The following GLG1 variants were observed in gnomAD, a reference collection of about 807,000 sequenced individuals.
GLG1 encodes the protein Golgi apparatus protein 1.
A neutral mutation model predicts 160.5 loss-of-function variants in GLG1; 38 were observed. The observed-to-expected ratio is 0.24, with a 90% CI of 0.18 to 0.31. GLG1 has a LOEUF of 0.31. Among genes scored for constraint, GLG1 ranks in the 10% least tolerant of loss-of-function variants. The probability of loss-of-function intolerance (pLI) is 1.00; values close to 1 mark genes in which losing one functional copy is unlikely to be tolerated. For synonymous variants in GLG1, 644 were observed against 543.4 expected, an observed-to-expected ratio of 1.19 and a Z score of -2.57; for missense variants, 1,373 against 1,505.2, an observed-to-expected ratio of 0.91 and a Z score of 1.45.
intron 4 of GLG1, among the ~76,000 whole-genome samples, chr16:74,498,447 A>AAGTATATATATATATATATATAT (rs1491293119): frequency 1.2e-4 from 1 of 8,208 alleles, no homozygotes; most frequent in African/African-American, 2.1e-4. Context: ...AAAAAAAAAA[A>AAGTATATATATATATATATATAT]GTATATATAT....
chr16:74,587,692 C>T (rs945230296), intron 1 of GLG1, among the ~76,000 whole-genome samples: 2 of 152,086 alleles, frequency 1.3e-5, no homozygotes, highest in African/African-American at 4.8e-5. Context: ...ACAGTGAAAC[C>T]CCGTCTCCAC....
chr16:74,584,758 A>G (rs1958009820), intron 1 of GLG1, among the ~76,000 whole-genome samples: 1 of 152,020 alleles, frequency 6.6e-6, no homozygotes, highest in South Asian at 2.1e-4. Context: ...TCTACTAAAA[A>G]TACAAAAATT....
chr16:74,593,352 G>C (rs1248524749), intron 1 of GLG1, among the ~76,000 whole-genome samples: 1 of 150,334 alleles, frequency 6.7e-6, no homozygotes, highest in African/African-American at 2.4e-5. Context: ...GCCAGTGCAA[G>C]AATTTTGAGA....
chr16:74,529,808 A>AGTT (rs2017468568), intron 2 of GLG1, among the ~76,000 whole-genome samples: 1 of 84,278 alleles, frequency 1.2e-5, no homozygotes, highest in African/African-American at 4.7e-5. Flanking sequence ...GCTCTTTGAG[A>AGTT]GTTCTTTTTT....
chr16:74,574,337 C>G (rs573632248), intron 1 of GLG1, among the ~76,000 whole-genome samples: 6 of 152,222 alleles, frequency 3.9e-5, no homozygotes, highest in African/African-American at 1.4e-4. Flanking sequence ...GTATATTCAG[C>G]AAAATATTAT....
chr16:74,449,680 C>G lies in GLG1; in HGVS notation c.*3487G>C, dbSNP rs1415207071. On this transcript the variant is annotated 3_prime_UTR_variant, in exon 26 of 26. Transcript: ENST00000422840. Reference sequence around the variant, plus strand: ...CCAAAGGCCTGCAGTGTGTTCAAGTCAATACCTGCTCACTCAACATTAGCT... The same window carrying G: ...CCAAAGGCCTGCAGTGTGTTCAAGTGAATACCTGCTCACTCAACATTAGCT... 6.6e-6 allele frequency: 1 copy of G among 152,236 alleles called. No homozygotes were observed. Among genetic ancestry groups the G allele is most frequent in the Non-Finnish European group, 1.5e-5 (1 of 68,062 alleles). 9.4% of individuals were successfully genotyped at this position (152,236 alleles called of 1,614,324 possible). A position where few individuals can be genotyped will look rare whatever the true frequency, so the allele number is the denominator to read the frequency against.
In GLG1 at chr16:74,452,843, G is replaced by C. The variant is rs534166870; in HGVS notation, c.*324C>G. On this transcript the variant is annotated 3_prime_UTR_variant, in exon 26 of 26. Coordinates refer to ENST00000422840, the MANE Select transcript of GLG1 (RefSeq NM_001145667.2). ...TGGTGGTTTTCTTAAAAAAGCCTTT[G>C]AGTTGCAGGTCAGGTGAGTTGGTTC... 2.6e-5 allele frequency: 27 copies of C among 1,058,592 alleles called. No individual in the cohort carries two copies. The South Asian group carries it at 2.7e-4, about 11-fold the overall frequency. The allele number at this position is 1,058,592 out of a possible 1,614,324, so 65.6% of individuals were successfully genotyped here. A position where few individuals can be genotyped will look rare whatever the true frequency, so the allele number is the denominator to read the frequency against.
intron 20 of GLG1, chr16:74,463,114 C>T (rs570632552): frequency 1.9e-6 from 1 of 529,410 alleles, no homozygotes; most frequent in Non-Finnish European, 3.3e-6. Context: ...GGACTGCCGG[C>T]CTGATTCCTT....
At chr16:74,587,686 T>C (rs1298882165) in intron 1 of GLG1, among the ~76,000 whole-genome samples, 4 of 152,032 alleles carry the variant, frequency 2.6e-5, no homozygotes, top group Non-Finnish European at 5.9e-5. Flanking sequence ...GCCAACACAG[T>C]GAAACCCCGT....
At chr16:74,579,070 A>C (rs978296159) in intron 1 of GLG1, among the ~76,000 whole-genome samples, 1 of 152,192 alleles carries the variant, frequency 6.6e-6, no homozygotes, top group Non-Finnish European at 1.5e-5. Context: ...ACAAGCTGAG[A>C]AGTTAAATTC....
Position 74,490,970 on chromosome 16 carries a change from A to G in GLG1, c.1449+31T>C, listed in dbSNP as rs753865114. The G allele has an allele frequency of 4.7e-6, 7 of 1,499,970 alleles. No homozygotes were observed. The East Asian group carries it at 1.1e-4, about 24-fold the overall frequency. 92.9% of individuals were successfully genotyped at this position (1,499,970 alleles called of 1,614,324 possible). ...AGGCTCTTCAGCTGATAAATGTGACATTCAAAATGGCAATAGCAATGTCTC... is the reference window on the plus strand; with the variant it reads ...AGGCTCTTCAGCTGATAAATGTGACGTTCAAAATGGCAATAGCAATGTCTC... On this transcript the variant is annotated intron_variant, in intron 8 of 25. Coordinates refer to ENST00000422840, the MANE Select transcript of GLG1 (RefSeq NM_001145667.2).
chr16:74,457,920 C>A lies in GLG1; in HGVS notation c.3219G>T (p.Leu1073=). 1 of 1,613,970 alleles carries A rather than the reference C, an allele frequency of 6.2e-7. No homozygotes were observed. The highest frequency in any genetic ancestry group is 8.5e-7 in the Non-Finnish European group (1 of 1,179,914). Residue 1073 remains leucine (L), a synonymous_variant, in exon 24 of 26, where the codon CTG becomes CTT. Transcript: ENST00000422840. ...TGGCTGCGCAGTGGTGTTTAATGTC[C>A]AGGGCACAAGCAGTATGAAGTACCG... ...VDPVLHTACA[L]DIKHHCAAIT...
At chr16:74,568,514 T>C (rs1427910327) in intron 1 of GLG1, among the ~76,000 whole-genome samples, 1 of 148,938 alleles carries the variant, frequency 6.7e-6, no homozygotes, top group East Asian at 2.0e-4. Context: ...GCCTCCCGGG[T>C]TCAAGCGATT....
chr16:74,551,781 C>G (rs1430392255), intron 1 of GLG1, among the ~76,000 whole-genome samples: 6 of 152,000 alleles, frequency 3.9e-5, no homozygotes, highest in Admixed American at 2.0e-4. Flanking sequence ...AGGAGAATTA[C>G]TGGGGAGAAG....
Position 74,595,668 on chromosome 16 carries a change from AAAGAT to A in GLG1, c.438+10984_438+10988del, listed in dbSNP as rs1304120124. 8.5e-5 allele frequency among the ~76,000 whole-genome samples: 13 copies of A among 152,348 alleles called. No homozygotes were observed. In the East Asian group the frequency reaches 1.9e-3, roughly 23 times the overall value. On this transcript the variant is annotated intron_variant, in intron 1 of 25. Transcript: ENST00000422840. ...TAAAACTTGTATTATGGTTTTCAGTAAAGATATCTTTTTCTTCTAGATCAGTGCTA... is the reference window on the plus strand; with the variant it reads ...TAAAACTTGTATTATGGTTTTCAGTAATCTTTTTCTTCTAGATCAGTGCTA...
chr16:74,513,859 T>G (rs2016890788), intron 2 of GLG1, among the ~76,000 whole-genome samples: 1 of 152,140 alleles, frequency 6.6e-6, no homozygotes, highest in African/African-American at 2.4e-5. Flanking sequence ...AACGAGCATG[T>G]TCTAACCCAT....
intron 1 of GLG1, among the ~76,000 whole-genome samples, chr16:74,573,768 G>C (rs2018906265): frequency 6.7e-6 from 1 of 149,944 alleles, no homozygotes; most frequent in South Asian, 2.1e-4. Context: ...GATTACATGT[G>C]TGAGCCACCT....
chr16:74,509,261 CT>C (rs1291883948), intron 2 of GLG1, among the ~76,000 whole-genome samples: 5 of 149,352 alleles, frequency 3.3e-5, no homozygotes, highest in African/African-American at 9.9e-5. Context: ...CAACCTCCAC[CT>C]CTCGGGTTCA....
At chr16:74,459,403 G>C (rs1209685990) in intron 23 of GLG1, among the ~76,000 whole-genome samples, 2 of 152,128 alleles carry the variant, frequency 1.3e-5, no homozygotes, top group African/African-American at 2.4e-5. Flanking sequence ...GCGTGAACCC[G>C]GGAGGCAGAG....
Sources: allele counts gnomAD v4.1 joint callset (sites outside exome capture counted in the v4.1 genomes callset), GRCh38; gene constraint gnomAD v4.1.1; transcripts MANE v1.5; gene names NCBI Gene and HGNC (gene_info 2026-07-23, HGNC 2026-07-21).